L3MBTL4: variants seen among roughly 807,000 people sequenced by gnomAD.
L3MBTL4 encodes the protein L3MBTL histone methyl-lysine binding protein 4.
A neutral mutation model predicts 84.5 loss-of-function variants in L3MBTL4; 70 were observed. That is an observed-to-expected ratio of 0.83 (90% CI 0.68 to 1.01). The LOEUF (loss-of-function observed/expected upper bound fraction) is 1.01, where lower values mean the gene tolerates loss of function less well. L3MBTL4 is among the 50% of genes least tolerant of loss of function. The pLI is 0.00. For synonymous variants in L3MBTL4, 274 were observed against 259.8 expected (o/e 1.05, Z -0.52); for missense variants, 715 against 754.8 (o/e 0.95, Z 0.62).
At chr18:6,138,859 G>A (rs938885996) in intron 13 of L3MBTL4, among the ~76,000 whole-genome samples, 6 of 152,120 alleles carry the variant, frequency 3.9e-5, no homozygotes, top group African/African-American at 1.2e-4. Context: ...ATAGATATGA[G>A]AACATTCACT....
chr18:6,166,509 TC>T (rs1471836810), intron 13 of L3MBTL4, among the ~76,000 whole-genome samples: 65 of 152,028 alleles, frequency 4.3e-4, no homozygotes, highest in Non-Finnish European at 6.5e-4. Flanking sequence ...AAACTAGAAC[TC>T]AGAATTAAGA....
intron 12 of L3MBTL4, among the ~76,000 whole-genome samples, chr18:6,196,836 T>C (rs994319112): frequency 2.6e-5 from 4 of 152,206 alleles, no homozygotes; most frequent in African/African-American, 7.2e-5. Context: ...GCTATGCCTG[T>C]AGCCAGACCC....
chr18:6,215,996 T>C (rs2046311177), intron 10 of L3MBTL4, among the ~76,000 whole-genome samples, 161 bp from the exon 11 acceptor site: 2 of 152,180 alleles, frequency 1.3e-5, no homozygotes, highest in South Asian at 4.1e-4. Context: ...CACTTAACCA[T>C]AACCTCTGAG....
intron 14 of L3MBTL4, among the ~76,000 whole-genome samples, chr18:6,098,563 C>T (rs947095466): frequency 6.6e-6 from 1 of 152,158 alleles, no homozygotes; most frequent in Non-Finnish European, 1.5e-5. Flanking sequence ...AAGTTGTTGA[C>T]AACCTTTCTT....
intron 10 of L3MBTL4, among the ~76,000 whole-genome samples, chr18:6,227,314 A>G (rs1426204076): frequency 6.6e-6 from 1 of 152,194 alleles, no homozygotes; most frequent in Non-Finnish European, 1.5e-5. Flanking sequence ...GGAACACTCC[A>G]CCCAACAACA....
intron 16 of L3MBTL4, among the ~76,000 whole-genome samples, chr18:5,981,596 C>T (rs984966542): frequency 6.6e-6 from 1 of 151,800 alleles, no homozygotes; most frequent in South Asian, 2.1e-4. Flanking sequence ...TAGGAGGATC[C>T]CTTGAAACCA....
intron 10 of L3MBTL4, among the ~76,000 whole-genome samples, chr18:6,223,222 G>A (rs2046635252): frequency 6.6e-6 from 1 of 151,990 alleles, no homozygotes; most frequent in Non-Finnish European, 1.5e-5. Flanking sequence ...TGTTCATTCA[G>A]CCAACAGGTT....
intron 1 of L3MBTL4, among the ~76,000 whole-genome samples, chr18:6,373,151 C>G (rs182123176): frequency 6.6e-6 from 1 of 152,072 alleles, no homozygotes; most frequent in African/African-American, 2.4e-5. Context: ...ATAATGAGGC[C>G]GCACCATGAA....
chr18:5,998,574 G>C (rs1029335271), intron 16 of L3MBTL4, among the ~76,000 whole-genome samples: 1 of 152,172 alleles, frequency 6.6e-6, no homozygotes, highest in African/African-American at 2.4e-5. Context: ...AAAGAGGTCA[G>C]CTAATCATTT....
At chr18:6,094,866 C>G (rs942701255) in intron 14 of L3MBTL4, among the ~76,000 whole-genome samples, 5 of 152,030 alleles carry the variant, frequency 3.3e-5, no homozygotes, top group Non-Finnish European at 5.9e-5. Flanking sequence ...TCAGCCTGGC[C>G]CAGCATGATC....
chr18:6,249,651 T>G (rs1034554896), intron 5 of L3MBTL4, among the ~76,000 whole-genome samples: 4 of 152,250 alleles, frequency 2.6e-5, no homozygotes, highest in African/African-American at 9.6e-5. Flanking sequence ...TCAGTCTCTC[T>G]TCTCTGTTAA....
intron 4 of L3MBTL4, among the ~76,000 whole-genome samples, chr18:6,269,486 A>G (rs1193429250): frequency 6.6e-6 from 1 of 152,082 alleles, no homozygotes; most frequent in Non-Finnish European, 1.5e-5. Flanking sequence ...CAAACAAAAA[A>G]CTTTTGAAAG....
chr18:6,060,121 A>G (rs892265859), intron 16 of L3MBTL4, among the ~76,000 whole-genome samples: 5 of 152,070 alleles, frequency 3.3e-5, no homozygotes, highest in Admixed American at 3.3e-4. Flanking sequence ...ATAGATATTT[A>G]ATTTTTTCTA....
chr18:6,169,626 C>T (rs1203877476), intron 13 of L3MBTL4, among the ~76,000 whole-genome samples: 1 of 136,634 alleles, frequency 7.3e-6, no homozygotes. Flanking sequence ...GGGAATTGAA[C>T]AATGAGAACA....
chr18:6,036,415 T>C (rs948507198), intron 16 of L3MBTL4, among the ~76,000 whole-genome samples: 2 of 152,206 alleles, frequency 1.3e-5, no homozygotes, highest in African/African-American at 4.8e-5. Flanking sequence ...TAGTAAAATT[T>C]TCACTTCAGC....
At chr18:6,037,947 G>T (rs1008599727) in intron 16 of L3MBTL4, among the ~76,000 whole-genome samples, 1 of 152,188 alleles carries the variant, frequency 6.6e-6, no homozygotes, top group East Asian at 1.9e-4. Context: ...TTGGCACTGG[G>T]AAGAAAGAAG....
At chr18:6,019,100 T>C (rs2055133537) in intron 16 of L3MBTL4, among the ~76,000 whole-genome samples, 1 of 152,228 alleles carries the variant, frequency 6.6e-6, no homozygotes. Context: ...ATTATATTCA[T>C]TGCAAATGTC....
chr18:6,398,103 T>C (rs2055351018), intron 1 of L3MBTL4: 1 of 148,188 alleles, frequency 6.7e-6, no homozygotes, highest in East Asian at 2.1e-4. Flanking sequence ...AGTTGGCAAC[T>C]CTCTCAAGGC....
intron 13 of L3MBTL4, among the ~76,000 whole-genome samples, chr18:6,147,294 G>A (rs1385531842): frequency 1.3e-5 from 2 of 151,766 alleles, no homozygotes; most frequent in Admixed American, 1.3e-4. Context: ...AAAATTATAG[G>A]TTAATCATAC....
Sources: allele counts gnomAD v4.1 joint callset (sites outside exome capture counted in the v4.1 genomes callset), GRCh38; gene constraint gnomAD v4.1.1; transcripts MANE v1.5; gene names NCBI Gene and HGNC (gene_info 2026-07-23, HGNC 2026-07-21).